CHD5: variants seen among roughly 807,000 people sequenced by gnomAD.
CHD5 encodes the protein ATP-dependent chromatin remodeler CHD5.
A neutral mutation model predicts 230.3 loss-of-function variants in CHD5; 69 were observed. That is an observed-to-expected ratio of 0.30 (90% CI 0.25 to 0.37). The LOEUF is 0.37. CHD5 is among the 10% of genes least tolerant of loss of function. CHD5 has a pLI of 1.00. For synonymous variants in CHD5, 1,064 were observed against 1,065.9 expected (o/e 1.00, Z 0.03); for missense variants, 1,827 against 2,622.8 (o/e 0.70, Z 6.63).
At chr1:6,159,001 C>T (rs1479480601) in intron 3 of CHD5, among the ~76,000 whole-genome samples, 3 of 92,992 alleles carry the variant, frequency 3.2e-5, no homozygotes, top group Admixed American at 1.0e-4. Context: ...AGCGAGACTC[C>T]GTCTCAAAAA....
Position 6,130,326 on chromosome 1 carries a change from G to A in CHD5, c.3265C>T (p.Pro1089Ser). 2 of 1,613,672 alleles carry A rather than the reference G, an allele frequency of 1.2e-6. No individual in the cohort carries two copies. Among genetic ancestry groups the A allele is most frequent in the Non-Finnish European group, 1.7e-6 (2 of 1,179,844 alleles). The change falls in exon 22 of 42, where the codon CCC becomes TCC. Residue 1089 changes from proline (P) to serine (S), a missense_variant and splice_region_variant. This residue lies in a region of CHD5 where 81 missense variants were observed against 245.4 expected (regional missense o/e 0.33). Coordinates refer to ENST00000262450, the MANE Select transcript of CHD5 (RefSeq NM_015557.3). The surrounding 1 kb of genome is among the most constrained non-coding windows in gnomAD (Gnocchi z 4.9). ...AGGAAGCAGAACTGCTGGGCCCCGGGGGCTGAAAAAGAGAGGCCAGCAGAT... is the reference window on the plus strand; with the variant it reads ...AGGAAGCAGAACTGCTGGGCCCCGGAGGCTGAAAAAGAGAGGCCAGCAGAT... ...RQEAIDRFNA[P>S]GAQQFCFLLS...
chr1:6,141,200 C>T (rs939944614), intron 15 of CHD5, among the ~76,000 whole-genome samples: 17 of 151,524 alleles, frequency 1.1e-4, no homozygotes, highest in African/African-American at 3.9e-4. Context: ...ATGGGAATTG[C>T]TTGAACCGGG....
chr1:6,148,585 G>C (rs1000825348), intron 9 of CHD5, among the ~76,000 whole-genome samples: 1 of 152,156 alleles, frequency 6.6e-6, no homozygotes, highest in African/African-American at 2.4e-5. Flanking sequence ...CAGTGGTCGC[G>C]GTGTTGGCAT....
At chr1:6,141,289 A>T (rs1276563118) in intron 15 of CHD5, among the ~76,000 whole-genome samples, 4 of 149,490 alleles carry the variant, frequency 2.7e-5, no homozygotes, top group Non-Finnish European at 4.4e-5. Flanking sequence ...CGTCTCAAAA[A>T]AATAATAATA....
Position 6,171,749 on chromosome 1 carries a change from C to T in CHD5, c.80-3472G>A, listed in dbSNP as rs75414001. Among the ~76,000 whole-genome samples the T allele has an allele frequency of 1.4e-3, 216 of 152,360 alleles. 2 individuals carry two copies. In the East Asian group the frequency reaches 0.033, roughly 23 times the overall value. Reference sequence around the variant, plus strand: ...AGCAGAGGCCCAGAGGGTTCCAAGACGCAGAGCATGCAGCCAGTGTTAAGG... The same window carrying T: ...AGCAGAGGCCCAGAGGGTTCCAAGATGCAGAGCATGCAGCCAGTGTTAAGG... On this transcript the variant is annotated intron_variant, in intron 1 of 41. Coordinates refer to ENST00000262450, the MANE Select transcript of CHD5 (RefSeq NM_015557.3).
Position 6,106,823 on chromosome 1 carries a change from G to A in CHD5, c.5579-44C>T, listed in dbSNP as rs747552359. The A allele has an allele frequency of 2.6e-6, 4 of 1,559,104 alleles. No homozygotes were observed. In the Admixed American group the frequency reaches 5.3e-5, roughly 21 times the overall value. On this transcript the variant is annotated intron_variant, in intron 38 of 41. Coordinates refer to ENST00000262450, the MANE Select transcript of CHD5 (RefSeq NM_015557.3). ...GGATGGTAGGATGCAGGGATGGAGG[G>A]GTGGAGGGATGGAGGAGTGGAAGGA...
chr1:6,146,433 G>C lies in CHD5; in HGVS notation c.1591-10C>G. 1 of 1,611,372 alleles carries C rather than the reference G, an allele frequency of 6.2e-7. No homozygotes were observed. Among genetic ancestry groups the C allele is most frequent in the Non-Finnish European group, 8.5e-7 (1 of 1,178,324 alleles). On this transcript the variant is annotated splice_polypyrimidine_tract_variant and intron_variant, in intron 10 of 41. Transcript: ENST00000262450. This position sits in a 1 kb window ranked among gnomAD's most constrained non-coding sequence, Gnocchi z 5.1. ...TGTGGTACAGCTCCAGCTGCTCATG[G>C]AGCGGCACAAAGTCACAGAAGGGAG...
chr1:6,141,189 C>T (rs923974230), intron 15 of CHD5, among the ~76,000 whole-genome samples: 6 of 151,028 alleles, frequency 4.0e-5, no homozygotes, highest in Non-Finnish European at 7.4e-5. Context: ...GAGGCTGAGG[C>T]ATGGGAATTG....
chr1:6,136,027 CAA>C (rs750706141), intron 17 of CHD5, among the ~76,000 whole-genome samples: 1 of 112,410 alleles, frequency 8.9e-6, no homozygotes, highest in Admixed American at 9.3e-5. Context: ...AAAAAAACAA[CAA>C]AAAAAAAAAA....
At chr1:6,115,354 C>T (rs1056423221) in intron 33 of CHD5, among the ~76,000 whole-genome samples, 1 of 152,126 alleles carries the variant, frequency 6.6e-6, no homozygotes, top group Non-Finnish European at 1.5e-5. Context: ...CCCTTGGTGT[C>T]CACGCCCTGC....
chr1:6,128,300 G>T lies in CHD5; in HGVS notation c.3731-82C>A. 1 of 1,419,030 alleles carries T rather than the reference G, an allele frequency of 7.0e-7. No individual in the cohort carries two copies. The highest frequency in any genetic ancestry group is 9.8e-7 in the Non-Finnish European group (1 of 1,025,462). The allele number at this position is 1,419,030 out of a possible 1,614,324, so 87.9% of individuals were successfully genotyped here. A position where few individuals can be genotyped will look rare whatever the true frequency, so the allele number is the denominator to read the frequency against. The stretch of plus-strand genomic sequence containing the variant: ...GTCCCAGGAACAGACTCCCAACAAT[G>T]GCCCTTCCCATCCCCAGCAGGGGCT... On this transcript the variant is annotated intron_variant, in intron 24 of 41. Transcript: ENST00000262450. The surrounding 1 kb of genome is among the most constrained non-coding windows in gnomAD (Gnocchi z 7.8).
rs1275599072 is a variant in CHD5 at position 6,136,725 on chromosome 1, T to C, written c.2574+3A>G. On this transcript the variant is annotated splice_donor_region_variant and intron_variant, in intron 16 of 41. Coordinates refer to ENST00000262450, the MANE Select transcript of CHD5 (RefSeq NM_015557.3). ...CTGGGGTCTGGCGGCCAGCGCCACCTACCTTGGACTGGTTGTTCTTGAGGC... is the reference window on the plus strand; with the variant it reads ...CTGGGGTCTGGCGGCCAGCGCCACCCACCTTGGACTGGTTGTTCTTGAGGC... 2 of 1,607,618 alleles carry C rather than the reference T, an allele frequency of 1.2e-6. No individual in the cohort carries two copies. Among genetic ancestry groups the C allele is most frequent in the East Asian group, 2.2e-5 (1 of 44,654 alleles).
In CHD5 at chr1:6,112,290, G is replaced by A. The variant is rs2100832838; in HGVS notation, c.5003-13C>T. The A allele has an allele frequency of 1.9e-6, 3 of 1,610,538 alleles. No homozygotes were observed. The highest frequency in any genetic ancestry group is 1.1e-5 in the South Asian group (1 of 90,644). On this transcript the variant is annotated splice_polypyrimidine_tract_variant and intron_variant, in intron 34 of 41. Transcript: ENST00000262450. ...GCCTTGGTGTCATCTGCCGGGGACAGATCACATTCATTCATCCATCCATCC... is the reference window on the plus strand; with the variant it reads ...GCCTTGGTGTCATCTGCCGGGGACAAATCACATTCATTCATCCATCCATCC...
chr1:6,122,955 A>T (rs974071694), intron 31 of CHD5, among the ~76,000 whole-genome samples: 1 of 151,936 alleles, frequency 6.6e-6, no homozygotes, highest in African/African-American at 2.4e-5. Flanking sequence ...CTGTAATCCC[A>T]GCTACTCGGG....
At chr1:6,119,055 G>T (rs1666422011) in intron 33 of CHD5, among the ~76,000 whole-genome samples, 1 of 112,764 alleles carries the variant, frequency 8.9e-6, no homozygotes. Context: ...TCACCATAAA[G>T]CTGTTATCTT....
intron 6 of CHD5, among the ~76,000 whole-genome samples, chr1:6,151,709 C>T (rs888380485): frequency 7.9e-5 from 12 of 152,226 alleles, no homozygotes; most frequent in African/African-American, 2.9e-4. Context: ...AGCTCCAGGG[C>T]GGGCCACACC....
In CHD5 at chr1:6,131,294, G is replaced by T. The variant is rs79109113; in HGVS notation, c.3262+337C>A. Among the ~76,000 whole-genome samples, 1 of 152,178 alleles carries T rather than the reference G, an allele frequency of 6.6e-6. No individual in the cohort carries two copies. The highest frequency in any genetic ancestry group is 1.5e-5 in the Non-Finnish European group (1 of 68,036). On this transcript the variant is annotated intron_variant, in intron 21 of 41. Transcript: ENST00000262450. The surrounding 1 kb of genome is among the most constrained non-coding windows in gnomAD (Gnocchi z 5.0). The stretch of plus-strand genomic sequence containing the variant: ...CTCTGGAAGTGGCCCCAGGTAGCAC[G>T]TGCATCTCTGTACCTTCTGCCACCA...
Position 6,146,522 on chromosome 1 carries a change from G to T in CHD5, c.1591-99C>A. 7.0e-7 allele frequency: 1 copy of T among 1,418,576 alleles called. No individual in the cohort carries two copies. The highest frequency in any genetic ancestry group is 9.9e-7 in the Non-Finnish European group (1 of 1,014,466). 87.9% of individuals were successfully genotyped at this position (1,418,576 alleles called of 1,614,324 possible). On this transcript the variant is annotated intron_variant, in intron 10 of 41. Transcript: ENST00000262450. The surrounding 1 kb of genome is among the most constrained non-coding windows in gnomAD (Gnocchi z 5.1). ...CTAGCCCCAGCCCAGGTCCCAGGCAGGACAATCCTCCCGCTCAGCACCACC... is the reference window on the plus strand; with the variant it reads ...CTAGCCCCAGCCCAGGTCCCAGGCATGACAATCCTCCCGCTCAGCACCACC...
At chr1:6,151,297 G>C in intron 6 of CHD5, 142 bp from the exon 7 acceptor site, 1 of 980,586 alleles carries the variant, frequency 1.0e-6, no homozygotes, top group Non-Finnish European at 1.4e-6. Flanking sequence ...CCCCAACACA[G>C]CTGAAAACCT....
Sources: gnomAD v4.1 joint callset for allele counts (sites outside exome capture counted in the v4.1 genomes callset) on GRCh38, gnomAD v4.1.1 for gene constraint, gnomAD v4.1.1 regional missense constraint, Gnocchi (gnomAD v3.1) non-coding constraint, MANE v1.5 for transcripts, NCBI Gene and HGNC (gene_info 2026-07-23, HGNC 2026-07-21) for gene names.